GLIS1: variants seen among roughly 807,000 people sequenced by gnomAD.
The protein encoded by GLIS1 is zinc finger protein GLIS1.
GLIS1 carries 24 observed loss-of-function variants against 63.8 expected under a neutral mutation model. That is an observed-to-expected ratio of 0.38 (90% CI 0.27 to 0.53). The LOEUF is 0.53. Among genes scored for constraint, GLIS1 ranks in the 20% least tolerant of loss-of-function variants. The pLI is 0.85. For missense variants in GLIS1, 1,036 were observed against 1,074.1 expected, an observed-to-expected ratio of 0.96 and a Z score of 0.50; for synonymous variants, 450 against 482.5, an observed-to-expected ratio of 0.93 and a Z score of 0.88.
rs1274113780 is a variant in GLIS1, at chr1:53,539,837, C to T, written c.1321-9885G>A. 6.6e-6 allele frequency among the ~76,000 whole-genome samples: 1 copy of T among 152,148 alleles called. No individual in the cohort carries two copies. Among genetic ancestry groups the T allele is most frequent in the Non-Finnish European group, 1.5e-5 (1 of 68,018 alleles). On this transcript the variant is annotated intron_variant, in intron 4 of 10. Coordinates refer to ENST00000628545, the MANE Select transcript of GLIS1 (RefSeq NM_001367484.1). The surrounding 1 kb of genome is among the most constrained non-coding windows in gnomAD (Gnocchi z 5.0). ...GCGCCTCCTGACCTCTGAGTGGTGG[C>T]TGGCCTGGCCTGGCCTTGGGGACAG... is the stretch of plus-strand genomic sequence containing the variant.
At position 53,509,596 on chromosome 1, in the gene GLIS1, C is replaced by T. The variant is rs1194839596; in HGVS notation, c.2062+253G>A. Among the ~76,000 whole-genome samples the T allele has an allele frequency of 2.6e-5, 4 of 152,310 alleles. No individual in the cohort carries two copies. In the East Asian group the frequency reaches 7.7e-4, roughly 29 times the overall value. ...GCTCAATCCCGCTCACTGGCCTCTC[C>T]TCAGGGCAGCGGGCCTTTGCTGCCT... On this transcript the variant is annotated intron_variant, in intron 9 of 10. Transcript: ENST00000628545.
chr1:53,734,157 T>C (rs1235978234), intron 2 of GLIS1: 2 of 985,076 alleles, frequency 2.0e-6, no homozygotes, highest in African/African-American at 3.5e-5. Context: ...TTTGTCGTGA[T>C]CAACCTCTTT....
intron 2 of GLIS1, among the ~76,000 whole-genome samples, chr1:53,653,073 T>A (rs1449741216): frequency 6.6e-6 from 1 of 150,562 alleles, no homozygotes; most frequent in Non-Finnish European, 1.5e-5. Flanking sequence ...GTGCATCTCC[T>A]GTGGGCAGGC....
chr1:53,629,749 AC>A (rs1292303074), intron 2 of GLIS1, among the ~76,000 whole-genome samples: 8 of 152,152 alleles, frequency 5.3e-5, no homozygotes, highest in Non-Finnish European at 7.3e-5. Flanking sequence ...CTCAGCACAC[AC>A]ACTGCCTACT....
intron 2 of GLIS1, among the ~76,000 whole-genome samples, chr1:53,636,885 T>C (rs1645731243): frequency 1.3e-5 from 2 of 152,242 alleles, no homozygotes; most frequent in South Asian, 4.1e-4. Flanking sequence ...ACTCCTGTAT[T>C]ACTCTGTGAG....
At chr1:53,677,974 T>A (rs76399764) in intron 2 of GLIS1, among the ~76,000 whole-genome samples, 1,827 of 152,262 alleles carry the variant, frequency 0.012, 28 homozygotes, top group African/African-American at 0.041. Flanking sequence ...GTGGCGAGAA[T>A]AAGATACACC....
At chr1:53,507,638 T>A (rs1452947457) in intron 10 of GLIS1, among the ~76,000 whole-genome samples, 1 of 152,238 alleles carries the variant, frequency 6.6e-6, no homozygotes, top group East Asian at 1.9e-4. Context: ...CTTGTCAGCC[T>A]GGATTTCATG....
intron 4 of GLIS1, among the ~76,000 whole-genome samples, chr1:53,585,885 A>G (rs2100507849): frequency 6.6e-6 from 1 of 152,290 alleles, no homozygotes; most frequent in East Asian, 1.9e-4. Context: ...CCCTACAGAA[A>G]CTTCTGGGGT....
intron 4 of GLIS1, among the ~76,000 whole-genome samples, chr1:53,568,448 C>T (rs1013754979): frequency 3.9e-5 from 6 of 152,072 alleles, no homozygotes; most frequent in South Asian, 2.1e-4. Flanking sequence ...TTTGAGTTAA[C>T]GCTGGAATTA....
chr1:53,517,755 C>A (rs1188571931), intron 7 of GLIS1, among the ~76,000 whole-genome samples: 1 of 152,178 alleles, frequency 6.6e-6, no homozygotes, highest in Non-Finnish European at 1.5e-5. Context: ...CACCCTCTCC[C>A]CTCTGTTCTG....
At chr1:53,602,964 T>C (rs1645333440) in intron 2 of GLIS1, among the ~76,000 whole-genome samples, 1 of 152,202 alleles carries the variant, frequency 6.6e-6, no homozygotes, top group Non-Finnish European at 1.5e-5. Context: ...GCCCGCTCCA[T>C]CGACAGATGA....
intron 2 of GLIS1, among the ~76,000 whole-genome samples, chr1:53,644,678 G>A (rs971394299): frequency 6.6e-6 from 1 of 152,176 alleles, no homozygotes; most frequent in Non-Finnish European, 1.5e-5. Context: ...ACCAGGGCCC[G>A]GAGGAGGCAG....
intron 2 of GLIS1, among the ~76,000 whole-genome samples, chr1:53,699,643 T>C (rs530382377): frequency 3.3e-5 from 5 of 152,280 alleles, no homozygotes; most frequent in Admixed American, 1.3e-4. Context: ...ACCTGTACCA[T>C]AGAGTGGGTG....
intron 2 of GLIS1, among the ~76,000 whole-genome samples, chr1:53,699,860 C>T (rs1646504849): frequency 6.6e-6 from 1 of 152,158 alleles, no homozygotes; most frequent in African/African-American, 2.4e-5. Context: ...AGGCCCCCAC[C>T]CTCATGGCCT....
chr1:53,691,621 A>C (rs1000949530), intron 2 of GLIS1, among the ~76,000 whole-genome samples: 3 of 152,040 alleles, frequency 2.0e-5, no homozygotes, highest in Admixed American at 6.6e-5. Context: ...CCTCGCCTGG[A>C]GCTTCCACAC....
chr1:53,531,074 T>C (rs1011222877), intron 4 of GLIS1, among the ~76,000 whole-genome samples: 7 of 152,216 alleles, frequency 4.6e-5, no homozygotes, highest in Non-Finnish European at 1.0e-4. Flanking sequence ...GGCTGTGACA[T>C]GGCAATGACA....
At chr1:53,677,275 G>C (rs564860706) in intron 2 of GLIS1, among the ~76,000 whole-genome samples, 8 of 152,314 alleles carry the variant, frequency 5.3e-5, no homozygotes, top group South Asian at 2.1e-4. Context: ...AACCAGAAAG[G>C]CTCCTTCCAT....
chr1:53,698,602 G>A (rs766292324), intron 2 of GLIS1, among the ~76,000 whole-genome samples: 1 of 152,230 alleles, frequency 6.6e-6, no homozygotes, highest in Non-Finnish European at 1.5e-5. Flanking sequence ...ACCAGCCCTT[G>A]GCCAAGCCAG....
chr1:53,644,571 G>T (rs1645822072), intron 2 of GLIS1, among the ~76,000 whole-genome samples: 1 of 150,372 alleles, frequency 6.7e-6, no homozygotes. Flanking sequence ...AAACAACTGA[G>T]TAGAGTAAGG....
Sources: gnomAD v4.1 joint callset for allele counts (sites outside exome capture counted in the v4.1 genomes callset) on GRCh38, gnomAD v4.1.1 for gene constraint, Gnocchi (gnomAD v3.1) non-coding constraint, MANE v1.5 for transcripts, NCBI Gene and HGNC (gene_info 2026-07-23, HGNC 2026-07-21) for gene names.